The following CNGA3 variants were observed in gnomAD, a reference collection of about 807,000 sequenced individuals.
CNGA3 encodes cyclic nucleotide gated channel subunit alpha 3, also known as cyclic nucleotide-gated channel alpha-3.
In CNGA3, 42 loss-of-function variants were observed where a neutral mutation model predicts 46.6. That is an observed-to-expected ratio of 0.90 (90% CI 0.70 to 1.17). CNGA3 has a LOEUF of 1.17. Among genes scored for constraint, CNGA3 ranks in the 50% most tolerant of loss-of-function variants. CNGA3 has a pLI of 0.00. For synonymous variants in CNGA3, 394 were observed against 369.4 expected, an observed-to-expected ratio of 1.07 and a Z score of -0.76; for missense variants, 893 against 890.7, an observed-to-expected ratio of 1.00 and a Z score of -0.03.
intron 1 of CNGA3, chr2:98,347,274 G>A (rs1443752138): frequency 1.3e-5 from 2 of 152,220 alleles, no homozygotes; most frequent in Non-Finnish European, 2.9e-5. Context: ...GGACGCCCGG[G>A]GCTTAGTGCT....
intron 1 of CNGA3, 135 bp downstream of exon 1, chr2:98,346,669 G>A (rs980702828): frequency 2.8e-5 from 11 of 390,460 alleles, no homozygotes; most frequent in Non-Finnish European, 5.0e-5. Flanking sequence ...TCCAGGGGCG[G>A]GCGCGGCGCT....
At chr2:98,392,567 A>G (rs114841490) in intron 7 of CNGA3, among the ~76,000 whole-genome samples, 6,056 of 151,770 alleles carry the variant, frequency 0.04, 160 homozygotes, top group Middle Eastern at 0.078. Flanking sequence ...TCTCAAAAAA[A>G]GAAAAAAAAA....
Position 98,380,226 on chromosome 2 carries a change from C to A in CNGA3, c.267C>A (p.His89Gln). 2.5e-6 allele frequency: 4 copies of A among 1,614,220 alleles called. No individual in the cohort carries two copies. The highest frequency in any genetic ancestry group is 3.4e-6 in the Non-Finnish European group (4 of 1,180,036). Residue 89 changes from histidine (H) to glutamine (Q), a missense_variant, in exon 4 of 8, where the codon CAC becomes CAA. Around this residue, in one of 3 missense-constraint regions of CNGA3, gnomAD observed 333 missense variants for 290.8 expected, o/e 1.15. Transcript: ENST00000272602. ...GCAGGTGGGCTGCCAGGCATGTGCA[C>A]CACCAGGACCAGGGACCGGACTCTT... Reference protein sequence around the residue: ...LLRRWAARHVHHQDQGPDSFP... With the variant: ...LLRRWAARHVQHQDQGPDSFP...
At chr2:98,352,954 C>G (rs929704239) in intron 1 of CNGA3, among the ~76,000 whole-genome samples, 1 of 152,154 alleles carries the variant, frequency 6.6e-6, no homozygotes, top group Non-Finnish European at 1.5e-5. Context: ...CCTATGCAGT[C>G]AAAAATCCAC....
chr2:98,361,187 C>G (rs1692024854), intron 1 of CNGA3, among the ~76,000 whole-genome samples: 1 of 152,116 alleles, frequency 6.6e-6, no homozygotes, highest in South Asian at 2.1e-4. Context: ...TCCCTGCCAC[C>G]CCTGGAGAGG....
At chr2:98,363,532 G>A (rs994864234) in intron 1 of CNGA3, among the ~76,000 whole-genome samples, 1 of 152,036 alleles carries the variant, frequency 6.6e-6, no homozygotes, top group Admixed American at 6.5e-5. Flanking sequence ...GAAGCTTTTG[G>A]GCCAAGATGA....
intron 3 of CNGA3, chr2:98,378,081 G>A (rs1437943848): frequency 3.9e-6 from 6 of 1,550,852 alleles, no homozygotes; most frequent in Non-Finnish European, 4.4e-6. Flanking sequence ...CAGAAAAAAA[G>A]CCAACCGGAG....
chr2:98,376,688 C>T (rs895566729), intron 2 of CNGA3, among the ~76,000 whole-genome samples: 9 of 152,108 alleles, frequency 5.9e-5, no homozygotes, highest in African/African-American at 9.7e-5. Flanking sequence ...TAATTCTTGC[C>T]TCCTTGTTAA....
chr2:98,391,153 C>T (rs112389777), intron 6 of CNGA3, among the ~76,000 whole-genome samples: 5 of 152,198 alleles, frequency 3.3e-5, no homozygotes, highest in African/African-American at 9.6e-5. Flanking sequence ...TTCGATTATT[C>T]GAGCATAGGC....
chr2:98,378,279 T>C, intron 3 of CNGA3: 1 of 1,481,780 alleles, frequency 6.7e-7, no homozygotes, highest in Non-Finnish European at 9.1e-7. Context: ...CAAGCTCTGC[T>C]TCCCCCTGAT....
chr2:98,396,233 A>C lies in CNGA3; in HGVS notation c.1063A>C (p.Ser355Arg). 1 of 1,614,120 alleles carries C rather than the reference A, an allele frequency of 6.2e-7. No homozygotes were observed. The highest frequency in any genetic ancestry group is 8.5e-7 in the Non-Finnish European group (1 of 1,180,030). Residue 355 changes from serine to arginine, a missense_variant, in exon 8 of 8, where the codon AGT (serine) becomes CGT (arginine). Around this residue, in one of 3 missense-constraint regions of CNGA3, gnomAD observed 548 missense variants for 570.8 expected, o/e 0.96. Coordinates refer to ENST00000272602, the MANE Select transcript of CNGA3 (RefSeq NM_001298.3). Reference sequence around the variant, plus strand: ...GCGCCTCTCCAGGAAGTACATTTACAGTCTCTACTGGTCCACCTTGACCCT... The same window carrying C: ...GCGCCTCTCCAGGAAGTACATTTACCGTCTCTACTGGTCCACCTTGACCCT... The part of the protein sequence containing the change: ...HGRLSRKYIY[S>R]LYWSTLTLTT...
chr2:98,379,931 C>A (rs1226396468), intron 3 of CNGA3: 1 of 582,298 alleles, frequency 1.7e-6, no homozygotes, highest in East Asian at 2.9e-5. Flanking sequence ...TGTCCCTTTC[C>A]GGGGAAGCCT....
intron 7 of CNGA3, among the ~76,000 whole-genome samples, chr2:98,392,579 G>A (rs961865850): frequency 2.0e-5 from 3 of 149,596 alleles, no homozygotes; most frequent in Admixed American, 6.6e-5. Flanking sequence ...AAAAAAAAAA[G>A]AAAAGAAAAG....
At chr2:98,354,852 T>A (rs1011907234) in intron 1 of CNGA3, among the ~76,000 whole-genome samples, 9 of 152,256 alleles carry the variant, frequency 5.9e-5, no homozygotes, top group South Asian at 4.1e-4. Flanking sequence ...GTTGATGGCA[T>A]ACTTTGATAC....
At position 98,397,353 on chromosome 2, in the gene CNGA3, C is replaced by T. The variant is rs576383852; in HGVS notation, c.*98C>T. On this transcript the variant is annotated 3_prime_UTR_variant, in exon 8 of 8. Transcript: ENST00000272602. ...ATGGAACTTGGTCAGGGTTGAATTC[C>T]AGCTCTACTCACCCTTTGAAAGCTG... The T allele has an allele frequency of 5.0e-5, 60 of 1,193,048 alleles. 1 individual carries two copies. The South Asian group carries it at 7.6e-4, about 15-fold the overall frequency. The allele number at this position is 1,193,048 out of a possible 1,614,324, so 73.9% of individuals were successfully genotyped here.
rs372335705 is a variant in CNGA3 at position 98,391,814 on chromosome 2, C to T, written c.567-50C>T. The T allele has an allele frequency of 9.9e-5, 157 of 1,582,886 alleles. No individual in the cohort carries two copies. The African/African-American group carries it at 1.4e-3, about 14-fold the overall frequency. On this transcript the variant is annotated intron_variant, in intron 6 of 7. Coordinates refer to ENST00000272602, the MANE Select transcript of CNGA3 (RefSeq NM_001298.3). ...CCCGTGCCCACAGGTGGGTGGTCCA[C>T]GCTCCAGAAACACACGCACAGCCAT...
chr2:98,390,854 G>T (rs1317528548), intron 6 of CNGA3, among the ~76,000 whole-genome samples: 1 of 152,224 alleles, frequency 6.6e-6, no homozygotes, highest in Non-Finnish European at 1.5e-5. Flanking sequence ...GACTTCCCAA[G>T]CAAGTGTGCA....
intron 1 of CNGA3, among the ~76,000 whole-genome samples, chr2:98,357,904 T>C (rs1228551041): frequency 4.6e-5 from 7 of 152,224 alleles, no homozygotes; most frequent in Admixed American, 4.6e-4. Flanking sequence ...GCAGTGCCTG[T>C]GATAAACAGA....
intron 1 of CNGA3, among the ~76,000 whole-genome samples, chr2:98,367,868 A>G (rs1364821511): frequency 2.6e-5 from 4 of 152,092 alleles, no homozygotes; most frequent in African/African-American, 7.2e-5. Context: ...CCCTGAATAC[A>G]TCCTCCCTGG....
Sources: gnomAD v4.1 joint callset for allele counts (sites outside exome capture counted in the v4.1 genomes callset) on GRCh38, gnomAD v4.1.1 for gene constraint, gnomAD v4.1.1 regional missense constraint, MANE v1.5 for transcripts, NCBI Gene and HGNC (gene_info 2026-07-23, HGNC 2026-07-21) for gene names.